The following ASCC1 variants were observed in gnomAD, a reference collection of about 807,000 sequenced individuals.
ASCC1 encodes activating signal cointegrator 1 complex subunit 1, also known as ASC-1 complex subunit P50.
A neutral mutation model predicts 46.6 loss-of-function variants in ASCC1; 35 were observed. That is an observed-to-expected ratio of 0.75 (90% confidence interval 0.57 to 0.99). ASCC1 has a LOEUF of 0.99. Among genes scored for constraint, ASCC1 ranks in the 50% least tolerant of loss-of-function variants. The probability of loss-of-function intolerance (pLI) is 0.00; values close to 1 mark genes in which losing one functional copy is unlikely to be tolerated. For missense variants in ASCC1, 376 were observed against 428.7 expected, an observed-to-expected ratio of 0.88 and a Z score of 1.09; for synonymous variants, 143 against 146.6, an observed-to-expected ratio of 0.98 and a Z score of 0.18.
chr10:72,210,611 C>T, intron 3 of ASCC1, 121 bp downstream of exon 3: 1 of 774,004 alleles, frequency 1.3e-6, no homozygotes, highest in South Asian at 1.5e-5. Context: ...CAGGACATAA[C>T]ACTACACTAT....
intron 9 of ASCC1, among the ~76,000 whole-genome samples, chr10:72,113,115 G>C (rs892923666): frequency 2.6e-4 from 39 of 152,194 alleles, no homozygotes; most frequent in Admixed American, 7.2e-4. Context: ...CACCAAGCAA[G>C]CATGTAGCTT....
intron 4 of ASCC1, among the ~76,000 whole-genome samples, chr10:72,202,180 TCCA>T (rs1856590892): frequency 6.6e-6 from 1 of 152,094 alleles, no homozygotes; most frequent in Admixed American, 6.6e-5. Context: ...TTAAAAAAGT[TCCA>T]TCGGCCAGAC....
At chr10:72,211,818 G>A (rs1288226153) in intron 2 of ASCC1, among the ~76,000 whole-genome samples, 2 of 149,326 alleles carry the variant, frequency 1.3e-5, no homozygotes, top group African/African-American at 2.5e-5. Context: ...GCAAGACTCC[G>A]CCTCAAAAAA....
intron 7 of ASCC1, among the ~76,000 whole-genome samples, chr10:72,140,041 G>A (rs772864112): frequency 9.2e-5 from 14 of 152,260 alleles, no homozygotes; most frequent in East Asian, 3.9e-4. Flanking sequence ...CAAGGAGGAC[G>A]GGCTTAGGAT....
chr10:72,202,753 C>CAG (rs1449680092), intron 4 of ASCC1, among the ~76,000 whole-genome samples: 1 of 152,108 alleles, frequency 6.6e-6, no homozygotes, highest in Non-Finnish European at 1.5e-5. Flanking sequence ...AAAGGCTGAA[C>CAG]TTTATTTTAT....
intron 5 of ASCC1, among the ~76,000 whole-genome samples, chr10:72,182,560 A>G (rs1852777576): frequency 6.6e-6 from 1 of 152,208 alleles, no homozygotes; most frequent in Non-Finnish European, 1.5e-5. Flanking sequence ...GCTAGATACT[A>G]TATGGGATAA....
At chr10:72,160,566 T>C (rs1339322800) in intron 6 of ASCC1, among the ~76,000 whole-genome samples, 1 of 152,004 alleles carries the variant, frequency 6.6e-6, no homozygotes, top group Admixed American at 6.6e-5. Context: ...GTTTCTGGTA[T>C]CCTTTCTGAA....
At chr10:72,217,100 C>G (rs1471879393), upstream of ASCC1, 1 of 453,410 alleles carries the variant, frequency 2.2e-6, no homozygotes, top group African/African-American at 2.0e-5. Flanking sequence ...GGAAACACTG[C>G]CCCAGGTTCT....
intron 4 of ASCC1, 125 bp downstream of exon 4, chr10:72,203,299 AAAG>A: frequency 3.8e-6 from 3 of 793,788 alleles, no homozygotes; most frequent in Non-Finnish European, 4.2e-6. Flanking sequence ...AAAAAAAAAA[AAAG>A]AAAAGAAAAA....
intron 8 of ASCC1, among the ~76,000 whole-genome samples, chr10:72,130,831 G>A (rs371864050): frequency 4.6e-5 from 7 of 152,178 alleles, no homozygotes; most frequent in Admixed American, 6.5e-5. Context: ...ATTGGACATC[G>A]CAGATACAGA....
intron 6 of ASCC1, among the ~76,000 whole-genome samples, chr10:72,160,779 AT>A (rs1191033011): frequency 7.4e-6 from 1 of 135,970 alleles, no homozygotes; most frequent in East Asian, 2.1e-4. Flanking sequence ...AATTATTTGT[AT>A]TAAAAAAAAA....
intron 9 of ASCC1, among the ~76,000 whole-genome samples, chr10:72,125,255 T>A (rs1844722544): frequency 6.6e-6 from 1 of 152,196 alleles, no homozygotes; most frequent in Non-Finnish European, 1.5e-5. Flanking sequence ...TGATTTTTTT[T>A]TTCTAAGGCT....
intron 5 of ASCC1, among the ~76,000 whole-genome samples, chr10:72,194,702 T>A (rs1209010808): frequency 1.3e-5 from 2 of 152,180 alleles, no homozygotes; most frequent in Non-Finnish European, 2.9e-5. Flanking sequence ...CCAAATCACC[T>A]GAACAGTTAA....
chr10:72,112,901 A>C (rs1350340327), intron 9 of ASCC1, among the ~76,000 whole-genome samples: 2 of 132,296 alleles, frequency 1.5e-5, no homozygotes, highest in African/African-American at 3.0e-5. Flanking sequence ...AAAAAAAAAA[A>C]CCCCAACATA....
At chr10:72,171,589 G>A (rs757851690) in intron 5 of ASCC1, among the ~76,000 whole-genome samples, 1 of 152,136 alleles carries the variant, frequency 6.6e-6, no homozygotes, top group Non-Finnish European at 1.5e-5. Context: ...ACCATGTCCA[G>A]CTAATTTTGT....
At position 72,163,190 on chromosome 10, in the gene ASCC1, C is replaced by T. The variant is rs1849913349; in HGVS notation, c.490-1516G>A. Among the ~76,000 whole-genome samples the T allele has an allele frequency of 1.3e-5, 2 of 152,106 alleles. 1 individual carries two copies. The highest frequency in any genetic ancestry group is 4.8e-5 in the African/African-American group (2 of 41,396). On this transcript the variant is annotated intron_variant, in intron 5 of 9. Coordinates refer to ENST00000672957, the MANE Select transcript of ASCC1 (RefSeq NM_001198800.3). ...TGCTAGGAAGGTAAAATGACTCAGC[C>T]TCTGTGAAAAAGAGTTTGGCAGTTC...
intron 7 of ASCC1, among the ~76,000 whole-genome samples, chr10:72,146,277 G>A (rs1013139487): frequency 6.6e-6 from 1 of 152,106 alleles, no homozygotes; most frequent in South Asian, 2.1e-4. Flanking sequence ...GCATATCCTA[G>A]GCATTCAAAG....
chr10:72,172,764 ATATAT>A (rs1032060056), intron 5 of ASCC1, among the ~76,000 whole-genome samples: 7 of 105,154 alleles, frequency 6.7e-5, no homozygotes, highest in South Asian at 2.9e-4. Flanking sequence ...TTTTTATATT[ATATAT>A]TATATTTTTT....
intron 5 of ASCC1, among the ~76,000 whole-genome samples, chr10:72,174,130 C>T (rs546206096): frequency 2.4e-4 from 36 of 152,270 alleles, no homozygotes; most frequent in African/African-American, 6.7e-4. Flanking sequence ...ATGTACATGC[C>T]TAAGTCACAG....
Sources: gnomAD v4.1 joint callset for allele counts (sites outside exome capture counted in the v4.1 genomes callset) on GRCh38, gnomAD v4.1.1 for gene constraint, MANE v1.5 for transcripts, NCBI Gene and HGNC (gene_info 2026-07-23, HGNC 2026-07-21) for gene names.